Variants in FRMD4A observed in about 807,000 individuals in gnomAD.
FRMD4A encodes the protein FERM domain-containing protein 4A.
FRMD4A carries 29 observed loss-of-function variants against 129.1 expected under a neutral mutation model. That is an observed-to-expected ratio of 0.22 (90% CI 0.17 to 0.31). The LOEUF is 0.31. Among genes scored for constraint, FRMD4A ranks in the 10% least tolerant of loss-of-function variants. The pLI, the probability that FRMD4A is intolerant of heterozygous loss-of-function variation, is 1.00. For missense variants in FRMD4A, 1,272 were observed against 1,375.8 expected (o/e 0.92, Z 1.19); for synonymous variants, 634 against 571.6 (o/e 1.11, Z -1.56).
At chr10:14,112,190 C>T (rs1055559187) in intron 2 of FRMD4A, among the ~76,000 whole-genome samples, 2 of 152,086 alleles carry the variant, frequency 1.3e-5, no homozygotes, top group Admixed American at 1.3e-4. Flanking sequence ...AGGGGGCCAG[C>T]CATGGAATGT....
chr10:14,129,408 A>ATATATATAT lies in FRMD4A; in HGVS notation c.45+200649_45+200650insATATATATA, dbSNP rs1491249191. On this transcript the variant is annotated intron_variant, in intron 2 of 24. Transcript: ENST00000357447. ...TATATATATATATATATATATATAT[A>ATATATATAT]AAAAATATGAGCTGTAGAACATACT... 3.4e-4 allele frequency among the ~76,000 whole-genome samples: 35 copies of ATATATATAT among 103,182 alleles called. 1 individual carries two copies. The highest frequency in any genetic ancestry group is 5.8e-4 in the South Asian group (2 of 3,422). 67.7% of individuals were successfully genotyped at this position (103,182 alleles called of 152,430 possible). A position where few individuals can be genotyped will look rare whatever the true frequency, so the allele number is the denominator to read the frequency against.
intron 2 of FRMD4A, among the ~76,000 whole-genome samples, chr10:14,185,825 G>C (rs1039695484): frequency 6.6e-6 from 1 of 152,084 alleles, no homozygotes; most frequent in Non-Finnish European, 1.5e-5. Context: ...GACAGGGCAG[G>C]GCCCAGTGGA....
At chr10:14,212,264 TG>T (rs892164004) in intron 2 of FRMD4A, among the ~76,000 whole-genome samples, 2 of 152,070 alleles carry the variant, frequency 1.3e-5, no homozygotes, top group Non-Finnish European at 2.9e-5. Flanking sequence ...TGGGAGAATA[TG>T]AAGGACAAGA....
intron 2 of FRMD4A, among the ~76,000 whole-genome samples, chr10:14,022,504 T>C (rs1303214743): frequency 1.3e-5 from 2 of 152,218 alleles, no homozygotes; most frequent in African/African-American, 4.8e-5. Flanking sequence ...TGATTTAATA[T>C]AAACATTGCA....
chr10:14,201,504 AAC>A, intron 2 of FRMD4A, among the ~76,000 whole-genome samples: 1 of 152,236 alleles, frequency 6.6e-6, no homozygotes, highest in East Asian at 1.9e-4. Flanking sequence ...TTTTCACAAA[AAC>A]ACAGCTGTGT....
chr10:13,885,919 C>G (rs1465816831), intron 2 of FRMD4A, among the ~76,000 whole-genome samples: 1 of 152,204 alleles, frequency 6.6e-6, no homozygotes, highest in Non-Finnish European at 1.5e-5. Context: ...TTCTCTCTCT[C>G]TCTCTCTCTG....
At chr10:14,018,117 C>T (rs1434145789) in intron 2 of FRMD4A, among the ~76,000 whole-genome samples, 1 of 151,984 alleles carries the variant, frequency 6.6e-6, no homozygotes, top group Non-Finnish European at 1.5e-5. Flanking sequence ...CATGAGATAG[C>T]ACAGTTCTGT....
chr10:14,087,582 G>A (rs983735817), intron 2 of FRMD4A: 10 of 152,096 alleles, frequency 6.6e-5, no homozygotes, highest in Non-Finnish European at 1.2e-4. Flanking sequence ...AGACTGGCAG[G>A]TGAAATGACT....
chr10:14,023,443 A>T (rs1832851521), intron 2 of FRMD4A, among the ~76,000 whole-genome samples: 1 of 152,230 alleles, frequency 6.6e-6, no homozygotes, highest in South Asian at 2.1e-4. Flanking sequence ...AACCTTCCAT[A>T]GCCTTCTCCA....
At chr10:13,793,765 C>T (rs952819385) in intron 5 of FRMD4A, among the ~76,000 whole-genome samples, 1 of 152,176 alleles carries the variant, frequency 6.6e-6, no homozygotes, top group African/African-American at 2.4e-5. Flanking sequence ...TCTCTTACCA[C>T]TCCTTTGGAG....
At chr10:14,056,259 T>C (rs1359949752) in intron 2 of FRMD4A, among the ~76,000 whole-genome samples, 2 of 152,114 alleles carry the variant, frequency 1.3e-5, no homozygotes, top group Non-Finnish European at 2.9e-5. Context: ...CTTGAACTCC[T>C]GACCTCAAGT....
intron 2 of FRMD4A, among the ~76,000 whole-genome samples, chr10:14,188,201 A>C (rs771473870): frequency 6.6e-6 from 1 of 152,178 alleles, no homozygotes; most frequent in Non-Finnish European, 1.5e-5. Context: ...AATCAAATAA[A>C]AAATGACTGG....
At chr10:14,264,478 C>A (rs1844910543) in intron 2 of FRMD4A, among the ~76,000 whole-genome samples, 1 of 152,112 alleles carries the variant, frequency 6.6e-6, no homozygotes, top group Non-Finnish European at 1.5e-5. Flanking sequence ...CCATTTATTG[C>A]CAAAACAATG....
chr10:13,754,823 A>AT (rs1196347897), intron 8 of FRMD4A, among the ~76,000 whole-genome samples: 7 of 152,050 alleles, frequency 4.6e-5, no homozygotes, highest in Non-Finnish European at 1.0e-4. Context: ...ATAACTGAGT[A>AT]TTTTTTCAGG....
intron 2 of FRMD4A, among the ~76,000 whole-genome samples, chr10:13,868,941 G>GA (rs2094407481): frequency 6.6e-6 from 1 of 152,190 alleles, no homozygotes; most frequent in African/African-American, 2.4e-5. Context: ...TGATGTAATA[G>GA]AAAATGGAAA....
chr10:14,126,153 C>G (rs1432852182), intron 2 of FRMD4A, among the ~76,000 whole-genome samples: 1 of 148,774 alleles, frequency 6.7e-6, no homozygotes, highest in East Asian at 2.0e-4. Flanking sequence ...CCTCACCCAT[C>G]ACAAAACCTT....
chr10:14,169,093 G>C (rs1013494563), intron 2 of FRMD4A, among the ~76,000 whole-genome samples: 2 of 128,862 alleles, frequency 1.6e-5, no homozygotes, highest in Admixed American at 1.7e-4. Flanking sequence ...ACCTATTTCT[G>C]GTTTTATTGG....
chr10:13,737,581 G>T (rs537300389), intron 12 of FRMD4A, among the ~76,000 whole-genome samples: 2 of 152,206 alleles, frequency 1.3e-5, no homozygotes, highest in East Asian at 1.9e-4. Context: ...TTGCCTATCT[G>T]CTCTGGGGAG....
chr10:14,204,211 C>T (rs1053933739), intron 2 of FRMD4A, among the ~76,000 whole-genome samples: 3 of 151,218 alleles, frequency 2.0e-5, no homozygotes, highest in African/African-American at 7.4e-5. Context: ...ATTGCTTGAG[C>T]CCAAGAGTTC....
Sources: gnomAD v4.1 joint callset for allele counts (sites outside exome capture counted in the v4.1 genomes callset) on GRCh38, gnomAD v4.1.1 for gene constraint, MANE v1.5 for transcripts, NCBI Gene and HGNC (gene_info 2026-07-23, HGNC 2026-07-21) for gene names.